PRMT8: variants seen among roughly 807,000 people sequenced by gnomAD.
PRMT8 encodes protein arginine methyltransferase 8.
A neutral mutation model predicts 47.1 loss-of-function variants in PRMT8; 7 were observed. The observed-to-expected ratio is 0.15, with a 90% CI of 0.08 to 0.28. The LOEUF (loss-of-function observed/expected upper bound fraction) is 0.28. Ranked by LOEUF, PRMT8 falls within the 10% of genes least tolerant of loss-of-function variation. PRMT8 has a pLI of 1.00. For synonymous variants in PRMT8, 188 were observed against 186.5 expected (o/e 1.01, Z -0.07); for missense variants, 237 against 505.4 (o/e 0.47, Z 5.09).
chr12:3,454,296 G>A (rs966010228), intron 1 of PRMT8, among the ~76,000 whole-genome samples: 1 of 152,186 alleles, frequency 6.6e-6, no homozygotes, highest in Non-Finnish European at 1.5e-5. Context: ...GGTTCCTCAA[G>A]GCGGCTGCTG....
intron 6 of PRMT8, among the ~76,000 whole-genome samples, chr12:3,573,308 C>T (rs752301071): frequency 2.6e-5 from 4 of 152,046 alleles, no homozygotes; most frequent in Non-Finnish European, 4.4e-5. Flanking sequence ...ATTGTTATTT[C>T]GATTTCTAAC....
At chr12:3,438,360 C>T (rs2137072555) in intron 1 of PRMT8, among the ~76,000 whole-genome samples, 1 of 152,350 alleles carries the variant, frequency 6.6e-6, no homozygotes, top group African/African-American at 2.4e-5. Context: ...GTGACCAGAG[C>T]CACTGGCAGT....
intron 1 of PRMT8, among the ~76,000 whole-genome samples, chr12:3,527,937 C>A (rs937557199): frequency 6.6e-6 from 1 of 152,022 alleles, no homozygotes; most frequent in Non-Finnish European, 1.5e-5. Flanking sequence ...ACAGTTTTTT[C>A]TTTTATCTTT....
At chr12:3,482,263 G>T (rs1317801736) in intron 1 of PRMT8, among the ~76,000 whole-genome samples, 1 of 152,196 alleles carries the variant, frequency 6.6e-6, no homozygotes, top group African/African-American at 2.4e-5. Flanking sequence ...AGGAAGAAAA[G>T]AAAAGACCAT....
rs1032310140 is a variant in PRMT8 at position 3,491,210 on chromosome 12, C to A, written c.-416C>A. On this transcript the variant is annotated 5_prime_UTR_variant, in exon 1 of 10. Transcript: ENST00000382622. Reference sequence around the variant, plus strand: ...ACGCGCAGGAAGCGTGTTGCTTCGCCCAGCGGATCGGCAGAAGTTGAGAGG... The same window carrying A: ...ACGCGCAGGAAGCGTGTTGCTTCGCACAGCGGATCGGCAGAAGTTGAGAGG... The A allele has an allele frequency of 1.0e-5, 10 of 997,556 alleles. No homozygotes were observed. In the African/African-American group the frequency reaches 1.6e-4, roughly 16 times the overall value. 61.8% of individuals were successfully genotyped at this position (997,556 alleles called of 1,614,324 possible).
intron 1 of PRMT8, among the ~76,000 whole-genome samples, chr12:3,471,418 A>G (rs1404922309): frequency 6.6e-6 from 1 of 151,936 alleles, no homozygotes; most frequent in Non-Finnish European, 1.5e-5. Context: ...TATTTCTGGA[A>G]ATCAAAAGGC....
intron 1 of PRMT8, among the ~76,000 whole-genome samples, chr12:3,412,705 A>G (rs1055940670): frequency 2.6e-5 from 4 of 152,150 alleles, no homozygotes; most frequent in Admixed American, 2.0e-4. Context: ...CTCACCTTGA[A>G]TTGTAATAAT....
At chr12:3,585,757 G>T (rs1458757394) in intron 8 of PRMT8, among the ~76,000 whole-genome samples, 1 of 152,072 alleles carries the variant, frequency 6.6e-6, no homozygotes, top group Non-Finnish European at 1.5e-5. Context: ...ATTATCAGCT[G>T]CTGCCCTCCT....
At chr12:3,414,992 G>A (rs982739832) in intron 1 of PRMT8, among the ~76,000 whole-genome samples, 2 of 152,008 alleles carry the variant, frequency 1.3e-5, no homozygotes, top group African/African-American at 4.8e-5. Flanking sequence ...AAAGTTCCAG[G>A]CTTAAGGGTG....
intron 1 of PRMT8, among the ~76,000 whole-genome samples, chr12:3,530,873 C>T (rs1866019795): frequency 6.6e-6 from 1 of 152,234 alleles, no homozygotes; most frequent in African/African-American, 2.4e-5. Flanking sequence ...GTCTTCCAGT[C>T]ATCACCATAG....
At chr12:3,507,125 T>C (rs934863068) in intron 1 of PRMT8, among the ~76,000 whole-genome samples, 8 of 148,580 alleles carry the variant, frequency 5.4e-5, no homozygotes, top group Non-Finnish European at 1.0e-4. Context: ...TTTCTTTTTT[T>C]TTTTTTTTTT....
chr12:3,499,185 TTTC>T (rs1330527800), intron 1 of PRMT8, among the ~76,000 whole-genome samples: 49 of 142,718 alleles, frequency 3.4e-4, no homozygotes, highest in African/African-American at 1.3e-3. Context: ...TTATTTTTTT[TTTC>T]CTTTCTTTTT....
intron 1 of PRMT8, among the ~76,000 whole-genome samples, chr12:3,407,045 G>A (rs1451279243): frequency 6.6e-6 from 1 of 152,172 alleles, no homozygotes; most frequent in Non-Finnish European, 1.5e-5. Context: ...GCATGCCTGG[G>A]GAGGATTCAG....
In PRMT8 at chr12:3,550,397, A is replaced by T; in HGVS notation, c.417+306A>T. On this transcript the variant is annotated intron_variant, in intron 3 of 9. Transcript: ENST00000382622. This position sits in a 1 kb window ranked among gnomAD's most constrained non-coding sequence, Gnocchi z 5.1. ...CCAAGGTCAGCTTCAGAGGCAGTGC[A>T]GGTGGTTACTCGGGGGAGCTCTGGT... The T allele has an allele frequency of 3.2e-6, 1 of 317,452 alleles. No homozygotes were observed. Among genetic ancestry groups the T allele is most frequent in the Admixed American group, 4.0e-5 (1 of 24,722 alleles). 19.7% of individuals were successfully genotyped at this position (317,452 alleles called of 1,614,324 possible). A position where few individuals can be genotyped will look rare whatever the true frequency, so the allele number is the denominator to read the frequency against.
chr12:3,553,564 G>C, intron 3 of PRMT8, 87 bp from the exon 4 acceptor site: 1 of 1,153,974 alleles, frequency 8.7e-7, no homozygotes. Flanking sequence ...CCCTGTCTGG[G>C]CCTCAGCGTC....
In PRMT8 at chr12:3,432,447, C is replaced by T. The variant is rs1490882130; in HGVS notation, c.48+51005C>T. ...GAAATAATGGTTCAGGGAATTCCAC[C>T]GGGGAAAGACAAAAGCAGGGTCAGA... is the stretch of plus-strand genomic sequence containing the variant. On this transcript the variant is annotated intron_variant, in intron 1 of 9. Transcript: ENST00000452611. Among the ~76,000 whole-genome samples, 10 of 152,186 alleles carry T rather than the reference C, an allele frequency of 6.6e-5. No homozygotes were observed. In the East Asian group the frequency reaches 7.7e-4, roughly 12 times the overall value.
chr12:3,425,146 A>G (rs541849242), intron 1 of PRMT8, among the ~76,000 whole-genome samples: 18 of 152,344 alleles, frequency 1.2e-4, no homozygotes, highest in Non-Finnish European at 2.5e-4. Flanking sequence ...CAGGGTTCAG[A>G]GTATTGCAAA....
At chr12:3,401,386 C>CTTATTTCAAG (rs1179326070) in intron 1 of PRMT8, among the ~76,000 whole-genome samples, 2 of 151,924 alleles carry the variant, frequency 1.3e-5, no homozygotes, top group Admixed American at 1.3e-4. Flanking sequence ...TAAGCAAAAG[C>CTTATTTCAAG]TGGAAGCATT....
At chr12:3,482,728 C>G (rs1003136447) in intron 1 of PRMT8, among the ~76,000 whole-genome samples, 3 of 152,144 alleles carry the variant, frequency 2.0e-5, no homozygotes, top group Non-Finnish European at 4.4e-5. Flanking sequence ...ACAACAGATG[C>G]AGTTTTGCTG....
Sources: allele counts gnomAD v4.1 joint callset (sites outside exome capture counted in the v4.1 genomes callset), GRCh38; gene constraint gnomAD v4.1.1; non-coding constraint Gnocchi (gnomAD v3.1); transcripts MANE v1.5; gene names NCBI Gene and HGNC (gene_info 2026-07-23, HGNC 2026-07-21).